The following LYSMD4 variants were observed in gnomAD, a reference collection of about 807,000 sequenced individuals.
LYSMD4 encodes the protein lysM and putative peptidoglycan-binding domain-containing protein 4.
LYSMD4 carries 9 observed loss-of-function variants against 6.1 expected under a neutral mutation model. That is an observed-to-expected ratio of 1.47 (90% CI 0.88 to 2.56). The LOEUF (loss-of-function observed/expected upper bound fraction) is 2.56, where lower values mean the gene tolerates loss of function less well. LYSMD4 is among the 30% of genes most tolerant of loss of function. The pLI is 0.00. For missense variants in LYSMD4, 384 were observed against 373.5 expected (o/e 1.03, Z -0.23); for synonymous variants, 143 against 148.5 (o/e 0.96, Z 0.27).
chr15:99,730,849 C>G (rs145490539), intron 2 of LYSMD4, among the ~76,000 whole-genome samples: 8 of 152,296 alleles, frequency 5.3e-5, no homozygotes, highest in African/African-American at 1.2e-4. Context: ...CATTTTTCAG[C>G]CCATGTTCTG....
chr15:99,729,413 G>T lies in LYSMD4; in HGVS notation c.601C>A (p.Leu201Ile). Residue 201 changes from leucine (L) to isoleucine (I), a missense_variant, in exon 3 of 3, where the codon CTC becomes ATC. Coordinates refer to ENST00000684762, the MANE Select transcript of LYSMD4 (RefSeq NM_001284417.2). ...YCMDTSHQPL[L>I]PAPPKTPMDG... ...ATAGGCGTCTTCGGAGGTGCCGGGAGCAGTGGCTGATGGGAGGTGTCCATG... is the reference window on the plus strand; with the variant it reads ...ATAGGCGTCTTCGGAGGTGCCGGGATCAGTGGCTGATGGGAGGTGTCCATG... The T allele has an allele frequency of 3.1e-6, 5 of 1,614,248 alleles. No individual in the cohort carries two copies. The highest frequency in any genetic ancestry group is 4.2e-6 in the Non-Finnish European group (5 of 1,180,056).
At chr15:99,724,449 G>C (rs543148962), downstream of LYSMD4, among the ~76,000 whole-genome samples, 95 of 152,340 alleles carry the variant, frequency 6.2e-4, no homozygotes, top group African/African-American at 2.2e-3. Flanking sequence ...TTTCATTACA[G>C]ATGGGGTTTC....
rs2059346626 is a variant in LYSMD4 at position 99,729,402 on chromosome 15, A to G, written c.612T>C (p.Pro204=). 1 of 1,614,106 alleles carries G rather than the reference A, an allele frequency of 6.2e-7. No individual in the cohort carries two copies. Among genetic ancestry groups the G allele is most frequent in the African/African-American group, 1.3e-5 (1 of 74,930 alleles). The change falls in exon 3 of 3, where the codon CCT becomes CCC. Residue 204 remains proline, a synonymous_variant. Transcript: ENST00000684762. ...CTGCACCATCCATAGGCGTCTTCGGAGGTGCCGGGAGCAGTGGCTGATGGG... is the reference window on the plus strand; with the variant it reads ...CTGCACCATCCATAGGCGTCTTCGGGGGTGCCGGGAGCAGTGGCTGATGGG... ...DTSHQPLLPA[P]PKTPMDGADC...
At chr15:99,732,621 C>T (rs2059446039) in intron 1 of LYSMD4, among the ~76,000 whole-genome samples, 1 of 152,078 alleles carries the variant, frequency 6.6e-6, no homozygotes, top group African/African-American at 2.4e-5. Flanking sequence ...CATTACATCC[C>T]CATTGTCTGG....
upstream of LYSMD4, among the ~76,000 whole-genome samples, chr15:99,720,191 T>C (rs1220456325): frequency 6.6e-6 from 1 of 152,240 alleles, no homozygotes; most frequent in African/African-American, 2.4e-5. Context: ...CATTTGGAAA[T>C]ATTTTCCGTA....
At chr15:99,725,333 T>C (rs976098850), downstream of LYSMD4, among the ~76,000 whole-genome samples, 3 of 152,198 alleles carry the variant, frequency 2.0e-5, no homozygotes, top group African/African-American at 7.2e-5. Context: ...CCATAACAGC[T>C]ATAGATCATG....
chr15:99,716,778 T>C, exon 1 of LYSMD4: 1 of 424,750 alleles, frequency 2.4e-6, no homozygotes, highest in Non-Finnish European at 4.8e-6. Context: ...TGCACAGTGC[T>C]GTGGATGAGT....
chr15:99,719,911 TTCTC>T (rs1395704570), upstream of LYSMD4, among the ~76,000 whole-genome samples: 1 of 152,236 alleles, frequency 6.6e-6, no homozygotes, highest in African/African-American at 2.4e-5. Context: ...TAATTTGCCT[TTCTC>T]TATTATGAGT....
Position 99,728,528 on chromosome 15 carries a change from C to A in LYSMD4, c.*595G>T, listed in dbSNP as rs568617570. The A allele has an allele frequency of 1.9e-5, 3 of 161,738 alleles. No individual in the cohort carries two copies. The East Asian group carries it at 5.1e-4, about 28-fold the overall frequency. The allele number at this position is 161,738 out of a possible 1,614,324, so 10.0% of individuals were successfully genotyped here. On this transcript the variant is annotated 3_prime_UTR_variant, in exon 3 of 3. Transcript: ENST00000684762. ...ATTCAACAGTGCCGCAGTTTGGGTC[C>A]AGGGCTTTTTCAACTCTAGAAATGG...
chr15:99,732,409 A>T (rs2059440760), intron 1 of LYSMD4, among the ~76,000 whole-genome samples: 2 of 152,210 alleles, frequency 1.3e-5, no homozygotes, highest in South Asian at 4.1e-4. Flanking sequence ...TTTGCACAAT[A>T]ATTTTGTATT....
At chr15:99,725,950 G>A (rs1204787996), downstream of LYSMD4, among the ~76,000 whole-genome samples, 3 of 152,118 alleles carry the variant, frequency 2.0e-5, no homozygotes, top group Non-Finnish European at 4.4e-5. Context: ...AGAAGTGCCT[G>A]CGTCGTAGGG....
At chr15:99,716,233 A>C (rs2059140199) in exon 1 of LYSMD4, 1 of 265,862 alleles carries the variant, frequency 3.8e-6, no homozygotes, top group Middle Eastern at 1.4e-3. Flanking sequence ...TCAACAGTTC[A>C]CACAAGAAGC....
downstream of LYSMD4, among the ~76,000 whole-genome samples, chr15:99,723,345 G>A (rs555806892): frequency 1.1e-4 from 17 of 152,242 alleles, no homozygotes; most frequent in African/African-American, 4.1e-4. Flanking sequence ...GTTCTGCACC[G>A]CCTCCTGTTC....
chr15:99,726,744 T>A (rs2059286573), downstream of LYSMD4, among the ~76,000 whole-genome samples: 1 of 152,152 alleles, frequency 6.6e-6, no homozygotes, highest in Non-Finnish European at 1.5e-5. Context: ...CCAAAAAGAC[T>A]GGAGACTAGA....
chr15:99,731,222 C>T (rs202185804), intron 2 of LYSMD4: 4 of 1,611,462 alleles, frequency 2.5e-6, no homozygotes, highest in African/African-American at 1.3e-5. Context: ...TAGAGAAAAA[C>T]AGGGTTATAT....
chr15:99,732,088 T>TA, intron 1 of LYSMD4, 81 bp from the exon 2 acceptor site: 1 of 1,398,332 alleles, frequency 7.2e-7, no homozygotes, highest in Non-Finnish European at 9.6e-7. Context: ...AGTGTCTTGT[T>TA]AGAGAGTATT....
chr15:99,720,785 T>G (rs1227562716), upstream of LYSMD4: 1 of 152,218 alleles, frequency 6.6e-6, no homozygotes, highest in Non-Finnish European at 1.5e-5. Flanking sequence ...CGACCTCACC[T>G]TCTCACGTGA....
exon 1 of LYSMD4, chr15:99,717,566 C>G (rs952553586): frequency 6.6e-6 from 1 of 150,686 alleles, no homozygotes; most frequent in East Asian, 2.0e-4. Flanking sequence ...TGCTGAGCCC[C>G]GTCTGTGAGA....
chr15:99,733,402 G>GCGACCCGCC lies in LYSMD4; in HGVS notation c.-67_-66insGGCGGGTCG, dbSNP rs1555509565. 7.6e-6 allele frequency: 3 copies of GCGACCCGCC among 395,244 alleles called. No homozygotes were observed. Among genetic ancestry groups the GCGACCCGCC allele is most frequent in the South Asian group, 1.3e-4 (1 of 7,832 alleles). 24.5% of individuals were successfully genotyped at this position (395,244 alleles called of 1,614,324 possible). A position where few individuals can be genotyped will look rare whatever the true frequency, so the allele number is the denominator to read the frequency against. ...CGGCGACTCGCGACCCGCGACCCGCGACCCGCAGCTGCCACCGCGCCTGCG... is the reference window on the plus strand; with the variant it reads ...CGGCGACTCGCGACCCGCGACCCGCGCGACCCGCCACCCGCAGCTGCCACCGCGCCTGCG... On this transcript the variant is annotated 5_prime_UTR_variant, in exon 1 of 3. Coordinates refer to ENST00000684762, the MANE Select transcript of LYSMD4 (RefSeq NM_001284417.2).
Sources: gnomAD v4.1 joint callset for allele counts (sites outside exome capture counted in the v4.1 genomes callset) on GRCh38, gnomAD v4.1.1 for gene constraint, MANE v1.5 for transcripts, NCBI Gene and HGNC (gene_info 2026-07-23, HGNC 2026-07-21) for gene names.